The following NRXN1 variants were observed in gnomAD, a reference collection of about 807,000 sequenced individuals.
NRXN1 encodes neurexin-1.
Under a neutral mutation model 150.9 loss-of-function variants are expected in NRXN1, and 39 were observed. That is an observed-to-expected ratio of 0.26 (90% confidence interval 0.20 to 0.34). The LOEUF (loss-of-function observed/expected upper bound fraction) is 0.34, where lower values mean the gene tolerates loss of function less well. NRXN1 is among the 10% of genes least tolerant of loss of function. NRXN1 has a pLI of 1.00. For missense variants in NRXN1, 1,815 were observed against 1,949.9 expected (o/e 0.93, Z 1.30); for synonymous variants, 924 against 757.0 (o/e 1.22, Z -3.62).
chr2:50,752,937 A>C (rs1281914150), intron 5 of NRXN1, among the ~76,000 whole-genome samples: 1 of 151,970 alleles, frequency 6.6e-6, no homozygotes, highest in African/African-American at 2.4e-5. Context: ...AATAGTTGAT[A>C]ATTAGATGCA....
intron 19 of NRXN1, among the ~76,000 whole-genome samples, chr2:50,073,108 T>C (rs1696550795): frequency 6.6e-6 from 1 of 152,228 alleles, no homozygotes; most frequent in African/African-American, 2.4e-5. Flanking sequence ...ACAATATCAG[T>C]GTCCTTCAAA....
intron 17 of NRXN1, among the ~76,000 whole-genome samples, chr2:50,260,260 C>A (rs982260520): frequency 1.6e-4 from 24 of 151,962 alleles, no homozygotes; most frequent in African/African-American, 5.1e-4. Flanking sequence ...AAACCCTCTA[C>A]TTCTGCCTAT....
chr2:50,841,766 C>T (rs1227589092), intron 5 of NRXN1, among the ~76,000 whole-genome samples: 2 of 152,180 alleles, frequency 1.3e-5, no homozygotes, highest in African/African-American at 4.8e-5. Flanking sequence ...GAAATTGCCA[C>T]AGATTATTCC....
At chr2:50,653,909 C>T (rs1685999737) in intron 5 of NRXN1, among the ~76,000 whole-genome samples, 1 of 150,542 alleles carries the variant, frequency 6.6e-6, no homozygotes, top group Admixed American at 6.6e-5. Context: ...GACATAATGG[C>T]TGTAGCTGAA....
At chr2:50,868,188 T>TATATGC in intron 5 of NRXN1, among the ~76,000 whole-genome samples, 1 of 72,142 alleles carries the variant, frequency 1.4e-5, no homozygotes, top group South Asian at 4.3e-4. Context: ...TATATATATA[T>TATATGC]GCATACACAC....
rs528386928 is a variant in NRXN1, at chr2:50,102,741, A to T, written c.3547-11247T>A. Among the ~76,000 whole-genome samples, 27 of 152,182 alleles carry T rather than the reference A, an allele frequency of 1.8e-4. 1 individual carries two copies. The highest frequency in any genetic ancestry group is 6.0e-4 in the African/African-American group (25 of 41,564). The stretch of plus-strand genomic sequence containing the variant: ...CAATAATGAACATTTAGCATTTTCC[A>T]GGCAGAGAAAACAGCATGTGCACAT... On this transcript the variant is annotated intron_variant, in intron 18 of 22. Coordinates refer to ENST00000401669, the MANE Select transcript of NRXN1 (RefSeq NM_001330078.2).
intron 17 of NRXN1, among the ~76,000 whole-genome samples, chr2:50,445,027 CACTGTGCCCGTA>C (rs1305038008): frequency 3.9e-5 from 6 of 152,136 alleles, no homozygotes; most frequent in Non-Finnish European, 8.8e-5. Flanking sequence ...ATGCAGGAAG[CACTGTGCCCGTA>C]ACTTGTTCCT....
intron 8 of NRXN1, among the ~76,000 whole-genome samples, chr2:50,572,147 G>A (rs1027792479): frequency 1.3e-5 from 2 of 152,142 alleles, no homozygotes; most frequent in African/African-American, 2.4e-5. Context: ...TGGAGCTCAC[G>A]CAAGGAGTCT....
At chr2:50,491,446 C>T (rs779769134) in intron 15 of NRXN1, among the ~76,000 whole-genome samples, 4 of 152,062 alleles carry the variant, frequency 2.6e-5, no homozygotes, top group Non-Finnish European at 4.4e-5. Context: ...TAAGTGGCTT[C>T]GTAGCAGGAT....
intron 8 of NRXN1, among the ~76,000 whole-genome samples, chr2:50,571,456 G>T (rs1670648464): frequency 6.6e-6 from 1 of 152,070 alleles, no homozygotes; most frequent in South Asian, 2.1e-4. Context: ...ATTACTCAAG[G>T]TCTCAGTGTA....
chr2:50,873,343 G>C (rs1461705384), intron 5 of NRXN1, among the ~76,000 whole-genome samples: 1 of 151,860 alleles, frequency 6.6e-6, no homozygotes, highest in Non-Finnish European at 1.5e-5. Context: ...CTACAGAATA[G>C]AATTCATGTG....
chr2:51,003,766 G>A (rs1207038924), intron 2 of NRXN1, among the ~76,000 whole-genome samples: 1 of 151,888 alleles, frequency 6.6e-6, no homozygotes, highest in East Asian at 2.0e-4. Flanking sequence ...GGGGGAGGAA[G>A]GAAAAGTTGA....
intron 18 of NRXN1, among the ~76,000 whole-genome samples, chr2:50,099,434 T>C (rs541425461): frequency 8.5e-5 from 13 of 152,144 alleles, no homozygotes; most frequent in Non-Finnish European, 1.9e-4. Context: ...GTTCAGTGGT[T>C]TTAGTATATT....
intron 5 of NRXN1, among the ~76,000 whole-genome samples, chr2:50,642,355 T>C (rs1009846384): frequency 2.6e-5 from 4 of 151,986 alleles, no homozygotes; most frequent in Non-Finnish European, 4.4e-5. Flanking sequence ...ACAAGGCAAA[T>C]CTTAGATAAC....
chr2:50,832,764 G>A (rs565253250), intron 5 of NRXN1, among the ~76,000 whole-genome samples: 15 of 152,308 alleles, frequency 9.8e-5, no homozygotes, highest in African/African-American at 3.6e-4. Context: ...TATATTAAAT[G>A]TTTCTGTTTT....
intron 2 of NRXN1, among the ~76,000 whole-genome samples, chr2:50,976,847 T>C (rs1298012676): frequency 5.3e-5 from 8 of 152,042 alleles, no homozygotes; most frequent in African/African-American, 9.7e-5. Flanking sequence ...TAGACTTTGT[T>C]ATGCATGCTT....
intron 5 of NRXN1, among the ~76,000 whole-genome samples, chr2:50,651,220 T>C (rs1403675077): frequency 6.6e-6 from 1 of 151,994 alleles, no homozygotes; most frequent in South Asian, 2.1e-4. Context: ...CATACATGTA[T>C]ATGGTAATTC....
At chr2:50,324,565 C>A (rs146509344) in intron 17 of NRXN1, among the ~76,000 whole-genome samples, 146 of 152,274 alleles carry the variant, frequency 9.6e-4, no homozygotes, top group African/African-American at 3.2e-3. Context: ...TTATTTGAGA[C>A]GGAGTCTCGC....
intron 5 of NRXN1, among the ~76,000 whole-genome samples, chr2:50,672,692 A>T (rs1689030947): frequency 6.6e-6 from 1 of 152,072 alleles, no homozygotes; most frequent in Admixed American, 6.6e-5. Context: ...TGTTCAGTTG[A>T]ATTTCCCAGC....
Sources: gnomAD v4.1 joint callset for allele counts (sites outside exome capture counted in the v4.1 genomes callset) on GRCh38, gnomAD v4.1.1 for gene constraint, MANE v1.5 for transcripts, NCBI Gene and HGNC (gene_info 2026-07-23, HGNC 2026-07-21) for gene names.